AMTN: variants seen among roughly 807,000 people sequenced by gnomAD.
AMTN encodes the protein RSTI689.
AMTN carries 29 observed loss-of-function variants against 27.4 expected under a neutral mutation model. The observed-to-expected ratio is 1.06, with a 90% CI of 0.79 to 1.44. The LOEUF is 1.44. AMTN is among the 40% of genes most tolerant of loss of function. AMTN has a pLI of 0.00. For synonymous variants in AMTN, 86 were observed against 95.7 expected (o/e 0.90, Z 0.59); for missense variants, 247 against 248.8 (o/e 0.99, Z 0.05).
Position 70,531,258 on chromosome 4 carries a change from A to G in AMTN, c.577A>G (p.Ser193Gly). The change falls in exon 8 of 9, where the codon AGC (serine) becomes GGC (glycine). Residue 193 changes from serine (S) to glycine (G), a missense_variant. Physicochemically the swap from Ser to Gly is moderately conservative, Grantham distance 56 (BLOSUM62 0). Coordinates refer to ENST00000339336, the MANE Select transcript of AMTN (RefSeq NM_212557.4). Reference sequence around the variant, plus strand: ...GACCACCCCTGCAGGCATCCAAAGGAGCACACATGCCATCGAGGAAGCCAC... The same window carrying G: ...GACCACCCCTGCAGGCATCCAAAGGGGCACACATGCCATCGAGGAAGCCAC... Reference protein sequence around the residue: ...AVTTPAGIQRSTHAIEEATTE... With the variant: ...AVTTPAGIQRGTHAIEEATTE... The G allele has an allele frequency of 1.2e-6, 2 of 1,614,052 alleles. No individual in the cohort carries two copies. The highest frequency in any genetic ancestry group is 4.5e-5 in the East Asian group (2 of 44,860).
At chr4:70,529,290 C>A in intron 7 of AMTN, 80 bp downstream of exon 7, 1 of 1,086,208 alleles carries the variant, frequency 9.2e-7, no homozygotes, top group Non-Finnish European at 1.3e-6. Context: ...TCTCTTTTGA[C>A]CATAAATCCT....
rs551474625 is a variant in AMTN, at chr4:70,523,732, G to A, written c.139-136G>A. 720 of 722,568 alleles carry A rather than the reference G, an allele frequency of 1.0e-3. 8 individuals carry two copies. In the South Asian group the frequency reaches 0.011, roughly 11 times the overall value. 44.8% of individuals were successfully genotyped at this position (722,568 alleles called of 1,614,324 possible). A position where few individuals can be genotyped will look rare whatever the true frequency, so the allele number is the denominator to read the frequency against. The stretch of plus-strand genomic sequence containing the variant: ...GGGAGCAATGCTAGTGAGAGGCCCC[G>A]AGGCTTCATCTTTATTTACCTTCAT... On this transcript the variant is annotated intron_variant, in intron 3 of 8. Transcript: ENST00000339336.
At position 70,522,610 on chromosome 4, in the gene AMTN, T is replaced by A. The variant is rs923921272; in HGVS notation, c.55-145T>A. ...CACTCTACATGTCCTACCATGCACATAATGTTTCAGGGAATCAAACTCCTC... is the reference window on the plus strand; with the variant it reads ...CACTCTACATGTCCTACCATGCACAAAATGTTTCAGGGAATCAAACTCCTC... On this transcript the variant is annotated intron_variant, in intron 2 of 8. Transcript: ENST00000339336. The A allele has an allele frequency of 7.5e-6, 6 of 800,214 alleles. No homozygotes were observed. In the East Asian group the frequency reaches 1.5e-4, roughly 20 times the overall value. 49.6% of individuals were successfully genotyped at this position (800,214 alleles called of 1,614,324 possible).
chr4:70,520,952 C>T (rs1192732895), intron 2 of AMTN, among the ~76,000 whole-genome samples: 3 of 152,042 alleles, frequency 2.0e-5, no homozygotes, highest in African/African-American at 4.8e-5. Flanking sequence ...TTACCTGTTG[C>T]AGAAACAGCA....
chr4:70,528,862 T>C, intron 6 of AMTN, 104 bp downstream of exon 6: 3 of 967,924 alleles, frequency 3.1e-6, no homozygotes, highest in Non-Finnish European at 4.5e-6. Flanking sequence ...CCAATGTACT[T>C]TGTACTGTAT....
chr4:70,528,477 C>T (rs1051910585), intron 5 of AMTN, among the ~76,000 whole-genome samples: 4 of 152,024 alleles, frequency 2.6e-5, no homozygotes, highest in East Asian at 1.9e-4. Context: ...GGTGAAACCC[C>T]GTCTCTACTA....
rs1365172471 is a variant in AMTN at position 70,532,437 on chromosome 4, T to C, written c.620-18T>C. The C allele has an allele frequency of 5.7e-6, 9 of 1,587,276 alleles. No homozygotes were observed. Among genetic ancestry groups the C allele is most frequent in the Admixed American group, 1.7e-5 (1 of 57,820 alleles). ...ATACTTTTTACCTACATTTAAAAGG[T>C]GTTTTATTTTCTTCCAGGAATTCAG... On this transcript the variant is annotated intron_variant, in intron 8 of 8. Transcript: ENST00000339336.
chr4:70,524,426 T>G (rs1736049866), intron 4 of AMTN, among the ~76,000 whole-genome samples: 1 of 152,212 alleles, frequency 6.6e-6, no homozygotes, highest in South Asian at 2.1e-4. Context: ...AGTGGATTTT[T>G]TTAGTGGTCA....
chr4:70,527,046 T>C (rs977912644), intron 5 of AMTN, among the ~76,000 whole-genome samples: 6 of 151,772 alleles, frequency 4.0e-5, no homozygotes, highest in African/African-American at 1.5e-4. Flanking sequence ...AATTTCTGGT[T>C]AAATGTCAGC....
rs1232110387 is a variant in AMTN, at chr4:70,522,722, G to A, written c.55-33G>A. On this transcript the variant is annotated intron_variant, in intron 2 of 8. Coordinates refer to ENST00000339336, the MANE Select transcript of AMTN (RefSeq NM_212557.4). ...GACACAAAATCTTAAACACATTCCT[G>A]CCTCATCAAATATGTATTTGTTTTC... 4 of 1,602,334 alleles carry A rather than the reference G, an allele frequency of 2.5e-6. No homozygotes were observed. The Admixed American group carries it at 5.0e-5, about 20-fold the overall frequency.
chr4:70,532,502 T>C lies in AMTN; in HGVS notation c.*37T>C. 1 of 1,598,316 alleles carries C rather than the reference T, an allele frequency of 6.3e-7. No individual in the cohort carries two copies. Among genetic ancestry groups the C allele is most frequent in the Admixed American group, 1.7e-5 (1 of 59,344 alleles). Reference sequence around the variant, plus strand: ...TTTTTTCAACTAAGCTGCCTCGAATTTGGTGATACATGTGAATCTTTATCA... The same window carrying C: ...TTTTTTCAACTAAGCTGCCTCGAATCTGGTGATACATGTGAATCTTTATCA... On this transcript the variant is annotated 3_prime_UTR_variant, in exon 9 of 9. Coordinates refer to ENST00000339336, the MANE Select transcript of AMTN (RefSeq NM_212557.4).
chr4:70,520,322 CA>C (rs1157219245), intron 2 of AMTN, among the ~76,000 whole-genome samples: 2 of 152,098 alleles, frequency 1.3e-5, no homozygotes, highest in African/African-American at 4.8e-5. Flanking sequence ...GACACATAGA[CA>C]AGGTATTTTT....
In AMTN at chr4:70,529,210, G is replaced by T; in HGVS notation, c.357G>T (p.Leu119Phe). 4 of 1,531,668 alleles carry T rather than the reference G, an allele frequency of 2.6e-6. No individual in the cohort carries two copies. Among genetic ancestry groups the T allele is most frequent in the Non-Finnish European group, 3.5e-6 (4 of 1,143,102 alleles). 94.9% of individuals were successfully genotyped at this position (1,531,668 alleles called of 1,614,324 possible). A position where few individuals can be genotyped will look rare whatever the true frequency, so the allele number is the denominator to read the frequency against. ...AQGTILSSEE[L>F]PQIFTSLIIH... The stretch of plus-strand genomic sequence containing the variant: ...GCACTATCCTAAGCTCAGAGGAATT[G>T]GTAAAAAAAATAAAAATACTATTTC... Residue 119 changes from leucine (L) to phenylalanine (F), a missense_variant and splice_region_variant, in exon 7 of 9, where the codon TTG (leucine) becomes TTT (phenylalanine). Transcript: ENST00000339336.
At chr4:70,519,047 A>T (rs1213950603) in intron 2 of AMTN, among the ~76,000 whole-genome samples, 1 of 152,192 alleles carries the variant, frequency 6.6e-6, no homozygotes, top group Non-Finnish European at 1.5e-5. Context: ...CATCCACTCC[A>T]TCGTGGTAAA....
chr4:70,519,408 G>A (rs1218459243), intron 2 of AMTN, among the ~76,000 whole-genome samples: 1 of 152,012 alleles, frequency 6.6e-6, no homozygotes, highest in Non-Finnish European at 1.5e-5. Context: ...GTAGACATAG[G>A]GATGAATGGT....
Position 70,524,901 on chromosome 4 carries a change from TACCCAG to T in AMTN, c.240_245del (p.Gln80_Thr81del). 5.6e-6 allele frequency: 9 copies of T among 1,614,070 alleles called. No individual in the cohort carries two copies. Among genetic ancestry groups the T allele is most frequent in the Non-Finnish European group, 7.6e-6 (9 of 1,179,956 alleles). On this transcript the variant is annotated inframe_deletion, in exon 5 of 9. Transcript: ENST00000339336. Reference sequence around the variant, plus strand: ...ATCCTGCTGCAGGAATGACACCTGGTACCCAGACCCACCCATTGACCCTGGGAGGGT... The same window carrying T: ...ATCCTGCTGCAGGAATGACACCTGGTACCCACCCATTGACCCTGGGAGGGT...
Position 70,532,571 on chromosome 4 carries a change from A to G in AMTN, c.*106A>G. ...AGATTGAGACACATTGGATAGTCTT[A>G]GAAGAAATTAATTCTTAATTTACCT... On this transcript the variant is annotated 3_prime_UTR_variant, in exon 9 of 9. Coordinates refer to ENST00000339336, the MANE Select transcript of AMTN (RefSeq NM_212557.4). 9.8e-7 allele frequency: 1 copy of G among 1,018,272 alleles called. No individual in the cohort carries two copies. Among genetic ancestry groups the G allele is most frequent in the South Asian group, 1.6e-5 (1 of 62,892 alleles). 63.1% of individuals were successfully genotyped at this position (1,018,272 alleles called of 1,614,324 possible).
chr4:70,529,615 T>C (rs1027135799), intron 7 of AMTN, among the ~76,000 whole-genome samples: 2 of 152,224 alleles, frequency 1.3e-5, no homozygotes, highest in African/African-American at 4.8e-5. Flanking sequence ...TGGAAAAATA[T>C]ATCTTTTTCC....
At chr4:70,518,730 A>C (rs770573526) in intron 1 of AMTN, 33 bp from the exon 2 acceptor site, 1 of 1,402,620 alleles carries the variant, frequency 7.1e-7, no homozygotes, top group Non-Finnish European at 1.0e-6. Flanking sequence ...GAAAAAAAAT[A>C]CATGGAAGAG....
Sources: gnomAD v4.1 joint callset for allele counts (sites outside exome capture counted in the v4.1 genomes callset) on GRCh38, gnomAD v4.1.1 for gene constraint, MANE v1.5 for transcripts, NCBI Gene and HGNC (gene_info 2026-07-23, HGNC 2026-07-21) for gene names.